Variants in DENND1B observed in about 807,000 individuals in gnomAD.
DENND1B encodes DENN domain containing 1B.
A neutral mutation model predicts 90.1 loss-of-function variants in DENND1B; 59 were observed. The observed-to-expected ratio is 0.65, with a 90% CI of 0.53 to 0.81. The LOEUF is 0.81. Ranked by LOEUF, DENND1B falls within the 40% of genes least tolerant of loss-of-function variation. The pLI is 0.00. For missense variants in DENND1B, 862 were observed against 912.6 expected (o/e 0.94, Z 0.71); for synonymous variants, 337 against 324.6 (o/e 1.04, Z -0.41).
intron 5 of DENND1B, among the ~76,000 whole-genome samples, chr1:197,664,538 T>TCCC (rs775605216): frequency 6.6e-6 from 1 of 151,968 alleles, no homozygotes. Flanking sequence ...TAAGAAGACT[T>TCCC]CCCCCACACT....
At chr1:197,719,486 T>C (rs1024372922) in intron 2 of DENND1B, among the ~76,000 whole-genome samples, 4 of 152,182 alleles carry the variant, frequency 2.6e-5, no homozygotes, top group African/African-American at 4.8e-5. Context: ...TGCAAAAATA[T>C]GAGTTTTGTG....
intron 15 of DENND1B, among the ~76,000 whole-genome samples, chr1:197,568,250 A>G (rs1299814411): frequency 6.6e-6 from 1 of 152,180 alleles, no homozygotes; most frequent in African/African-American, 2.4e-5. Flanking sequence ...AATTAAATTT[A>G]CAATAGCATA....
intron 2 of DENND1B, among the ~76,000 whole-genome samples, chr1:197,768,170 G>A (rs926643356): frequency 2.7e-5 from 4 of 149,602 alleles, no homozygotes; most frequent in Non-Finnish European, 5.9e-5. Flanking sequence ...CCTCCTCTTC[G>A]TCGTCCTCCT....
chr1:197,770,030 TATTA>T (rs1315495157), intron 2 of DENND1B, among the ~76,000 whole-genome samples: 8 of 152,184 alleles, frequency 5.3e-5, no homozygotes, highest in African/African-American at 1.7e-4. Flanking sequence ...ATTTGTTATT[TATTA>T]TAGTTACTGA....
At chr1:197,569,993 C>T (rs545258180) in intron 15 of DENND1B, among the ~76,000 whole-genome samples, 1 of 152,180 alleles carries the variant, frequency 6.6e-6, no homozygotes, top group South Asian at 2.1e-4. Context: ...TTGATTTAGT[C>T]ATTCCACAAT....
chr1:197,626,105 C>T (rs1224342898), intron 10 of DENND1B, among the ~76,000 whole-genome samples: 1 of 152,028 alleles, frequency 6.6e-6, no homozygotes, highest in Non-Finnish European at 1.5e-5. Context: ...CAACATTAGA[C>T]AGATCAACGA....
chr1:197,761,973 G>A (rs906005985), intron 2 of DENND1B: 1 of 151,546 alleles, frequency 6.6e-6, no homozygotes, highest in Non-Finnish European at 1.5e-5. Flanking sequence ...AAATCTGCAA[G>A]CTTTCAAAGT....
chr1:197,553,875 G>A (rs1671463656), intron 15 of DENND1B, among the ~76,000 whole-genome samples: 1 of 152,018 alleles, frequency 6.6e-6, no homozygotes, highest in Non-Finnish European at 1.5e-5. Flanking sequence ...TCTTAAAAAA[G>A]AGGTTGGAGG....
intron 20 of DENND1B, among the ~76,000 whole-genome samples, chr1:197,516,102 T>C (rs1014197177): frequency 2.6e-5 from 4 of 151,832 alleles, no homozygotes; most frequent in African/African-American, 9.7e-5. Flanking sequence ...TCCATTTCTA[T>C]ATAGGGATGT....
At chr1:197,770,722 CTATAAATATA>C (rs1363013251) in intron 2 of DENND1B, among the ~76,000 whole-genome samples, 17 of 126,630 alleles carry the variant, frequency 1.3e-4, no homozygotes, top group East Asian at 4.3e-4. Context: ...AAATATATAT[CTATAAATATA>C]TATAAATATA....
chr1:197,586,852 C>A (rs932401679), intron 14 of DENND1B, among the ~76,000 whole-genome samples: 5 of 152,138 alleles, frequency 3.3e-5, no homozygotes, highest in African/African-American at 1.2e-4. Context: ...CAGAGTTAAT[C>A]CCACTTTGAG....
At chr1:197,583,811 T>C (rs1210305611) in intron 14 of DENND1B, among the ~76,000 whole-genome samples, 1 of 152,220 alleles carries the variant, frequency 6.6e-6, no homozygotes, top group Non-Finnish European at 1.5e-5. Flanking sequence ...ATCATATTTT[T>C]GCAAGCGTCT....
chr1:197,770,737 A>AAT (rs1214423448), intron 2 of DENND1B, among the ~76,000 whole-genome samples: 5 of 139,702 alleles, frequency 3.6e-5, no homozygotes, highest in South Asian at 2.1e-4. Flanking sequence ...AATATATATA[A>AAT]ATATATATAT....
At chr1:197,760,352 G>C (rs907803384) in intron 2 of DENND1B, among the ~76,000 whole-genome samples, 1 of 152,038 alleles carries the variant, frequency 6.6e-6, no homozygotes, top group East Asian at 1.9e-4. Flanking sequence ...TGAGAGAAAT[G>C]AATCAAAAAA....
chr1:197,617,504 T>C (rs1677763344), intron 11 of DENND1B, among the ~76,000 whole-genome samples, 155 bp downstream of exon 11: 1 of 151,244 alleles, frequency 6.6e-6, no homozygotes, highest in African/African-American at 2.4e-5. Context: ...TACAGAATTA[T>C]TCTGTCCTTC....
At chr1:197,709,848 G>C (rs1481901696) in intron 3 of DENND1B, among the ~76,000 whole-genome samples, 1 of 141,358 alleles carries the variant, frequency 7.1e-6, no homozygotes, top group Non-Finnish European at 1.5e-5. Flanking sequence ...CACGTGCAGA[G>C]ACACACATAG....
intron 13 of DENND1B, among the ~76,000 whole-genome samples, chr1:197,601,114 T>A (rs1219641203): frequency 6.6e-6 from 1 of 151,802 alleles, no homozygotes; most frequent in Non-Finnish European, 1.5e-5. Context: ...TCTCTATTTG[T>A]AATACTAGAT....
chr1:197,586,471 T>C (rs1463121933), intron 14 of DENND1B, among the ~76,000 whole-genome samples: 1 of 152,082 alleles, frequency 6.6e-6, no homozygotes, highest in Admixed American at 6.6e-5. Context: ...TTTTTAAGAG[T>C]ATAAAGACAT....
intron 15 of DENND1B, among the ~76,000 whole-genome samples, chr1:197,559,879 CA>C (rs1216375758): frequency 6.6e-6 from 1 of 151,946 alleles, no homozygotes; most frequent in Non-Finnish European, 1.5e-5. Flanking sequence ...TATATAAACA[CA>C]AACTGCCTAC....
Sources: gnomAD v4.1 joint callset for allele counts (sites outside exome capture counted in the v4.1 genomes callset) on GRCh38, gnomAD v4.1.1 for gene constraint, MANE v1.5 for transcripts, NCBI Gene and HGNC (gene_info 2026-07-23, HGNC 2026-07-21) for gene names.